TXNDC5: variants seen among roughly 807,000 people sequenced by gnomAD.
The protein encoded by TXNDC5 is thioredoxin domain-containing protein 5.
In TXNDC5, 44 loss-of-function variants were observed where a neutral mutation model predicts 52.6. The ratio of observed to expected loss-of-function variants is 0.84; its 90% CI spans 0.66 to 1.08. TXNDC5 has a LOEUF of 1.08. Ranked by LOEUF, TXNDC5 falls within the 50% of genes least tolerant of loss-of-function variation. The pLI is 0.00. For synonymous variants in TXNDC5, 241 were observed against 234.4 expected (o/e 1.03, Z -0.26); for missense variants, 600 against 565.5 (o/e 1.06, Z -0.62).
intron 7 of TXNDC5, among the ~76,000 whole-genome samples, chr6:7,887,378 T>G (rs993526475): frequency 6.6e-6 from 1 of 152,120 alleles, no homozygotes; most frequent in African/African-American, 2.4e-5. Flanking sequence ...GCCGAAAGCC[T>G]TGAAGATCAA....
At chr6:7,902,561 T>C (rs2113362047) in intron 2 of TXNDC5, among the ~76,000 whole-genome samples, 1 of 152,148 alleles carries the variant, frequency 6.6e-6, no homozygotes, top group South Asian at 2.1e-4. Context: ...GATGGGCACT[T>C]GTCTTAGAGG....
chr6:7,885,068 C>CT (rs1759917295), intron 8 of TXNDC5, among the ~76,000 whole-genome samples: 1 of 152,100 alleles, frequency 6.6e-6, no homozygotes, highest in Admixed American at 6.5e-5. Flanking sequence ...AGGGGATCCT[C>CT]CTTTTTGATA....
intron 9 of TXNDC5, 151 bp downstream of exon 9, chr6:7,884,208 T>C (rs910465209): frequency 1.6e-5 from 17 of 1,055,162 alleles, no homozygotes; most frequent in Non-Finnish European, 1.8e-5. Context: ...AGAGGATCTC[T>C]TTTGCTTCTC....
At chr6:7,887,377 C>T (rs891897295) in intron 7 of TXNDC5, among the ~76,000 whole-genome samples, 3 of 152,198 alleles carry the variant, frequency 2.0e-5, no homozygotes. Flanking sequence ...AGCCGAAAGC[C>T]TTGAAGATCA....
chr6:7,906,158 T>C (rs1017381049), intron 1 of TXNDC5, among the ~76,000 whole-genome samples: 2 of 151,286 alleles, frequency 1.3e-5, no homozygotes, highest in Admixed American at 6.6e-5. Flanking sequence ...GAGGGATCAC[T>C]TGAGGCCAGA....
intron 9 of TXNDC5, among the ~76,000 whole-genome samples, chr6:7,884,126 A>C (rs1759868925): frequency 6.6e-6 from 1 of 152,240 alleles, no homozygotes; most frequent in Non-Finnish European, 1.5e-5. Context: ...TCAGACAGCA[A>C]GGCCTGAAAA....
intron 5 of TXNDC5, 145 bp downstream of exon 5, chr6:7,891,476 G>A (rs1760187758): frequency 3.5e-6 from 2 of 579,278 alleles, no homozygotes; most frequent in Admixed American, 3.2e-5. Flanking sequence ...CATCTGTGAA[G>A]GTGAAATGAA....
rs1759759294 is a variant in TXNDC5 at position 7,881,961 on chromosome 6, A to G, written c.*1183T>C. On this transcript the variant is annotated 3_prime_UTR_variant, in exon 10 of 10. Transcript: ENST00000379757. The stretch of plus-strand genomic sequence containing the variant: ...TTAAGCCTGTATGTGCTTATTCCCA[A>G]GGGAGATAGAGGTGTTTAATCACAA... 1 of 152,630 alleles carries G rather than the reference A, an allele frequency of 6.6e-6. No homozygotes were observed. Among genetic ancestry groups the G allele is most frequent in the South Asian group, 2.1e-4 (1 of 4,818 alleles). 9.5% of individuals were successfully genotyped at this position (152,630 alleles called of 1,614,324 possible). A position where few individuals can be genotyped will look rare whatever the true frequency, so the allele number is the denominator to read the frequency against.
intron 1 of TXNDC5, among the ~76,000 whole-genome samples, chr6:7,908,023 G>A (rs561656544): frequency 1.2e-4 from 19 of 152,290 alleles, no homozygotes; most frequent in Non-Finnish European, 2.5e-4. Context: ...GGTGGCTTAC[G>A]CCTGTAATCC....
At position 7,881,591 on chromosome 6, in the gene TXNDC5, A is replaced by C. The variant is rs1169197142; in HGVS notation, c.*1553T>G. 6.6e-6 allele frequency: 1 copy of C among 152,232 alleles called. No individual in the cohort carries two copies. Among genetic ancestry groups the C allele is most frequent in the East Asian group, 1.9e-4 (1 of 5,200 alleles). The allele number at this position is 152,232 out of a possible 1,614,324, so 9.4% of individuals were successfully genotyped here. On this transcript the variant is annotated 3_prime_UTR_variant, in exon 10 of 10. Coordinates refer to ENST00000379757, the MANE Select transcript of TXNDC5 (RefSeq NM_030810.5). ...AATTGTACCACTTTGATTTTCTTGG[A>C]ATACAAGACTCGTGATGCAAAGCTG...
chr6:7,910,076 T>C (rs1207955527), intron 1 of TXNDC5: 8 of 986,112 alleles, frequency 8.1e-6, no homozygotes, highest in South Asian at 4.7e-5. Context: ...GGCGGTTGAA[T>C]TCAGGAGCGC....
chr6:7,899,648 C>T lies in TXNDC5; in HGVS notation c.447G>A (p.Val149=), dbSNP rs765373142. The change falls in exon 3 of 10, where the codon GTG becomes GTA. Residue 149 remains valine (V), a synonymous_variant. Coordinates refer to ENST00000379757, the MANE Select transcript of TXNDC5 (RefSeq NM_030810.5). Reference sequence around the variant, plus strand: ...GGAAGTCCCGAGGACCCTGGTACTTCACAGCTTCTTGGCCTGGCTTGAAAA... The same window carrying T: ...GGAAGTCCCGAGGACCCTGGTACTTTACAGCTTCTTGGCCTGGCTTGAAAA... The part of the protein sequence containing the change: ...LKLFKPGQEA[V]KYQGPRDFQT... The T allele has an allele frequency of 5.0e-6, 8 of 1,613,976 alleles. No individual in the cohort carries two copies. The South Asian group carries it at 8.8e-5, about 18-fold the overall frequency.
Position 7,883,090 on chromosome 6 carries a change from T to A in TXNDC5, c.*54A>T, listed in dbSNP as rs1759824815. ...CCCAGTGGCCTCTGTGGGACTGAAC[T>A]CCTAAACGCAGGGTGCGGGAGCTGG... On this transcript the variant is annotated 3_prime_UTR_variant, in exon 10 of 10. Coordinates refer to ENST00000379757, the MANE Select transcript of TXNDC5 (RefSeq NM_030810.5). 1 of 1,610,868 alleles carries A rather than the reference T, an allele frequency of 6.2e-7. No homozygotes were observed. Among genetic ancestry groups the A allele is most frequent in the East Asian group, 2.2e-5 (1 of 44,804 alleles).
Position 7,883,245 on chromosome 6 carries a change from A to G in TXNDC5, c.1198T>C (p.Leu400=), listed in dbSNP as rs201450918. ...KYSVRGYPTL[L]LFRGGKKVSE... is the part of the protein sequence containing the mutation. Reference sequence around the variant, plus strand: ...ACTTTCTTCCCTCCTCGGAAAAGCAATAACGTGGGGTAGCCTCGTACCTTA... The same window carrying G: ...ACTTTCTTCCCTCCTCGGAAAAGCAGTAACGTGGGGTAGCCTCGTACCTTA... The change falls in exon 10 of 10, where the codon TTG becomes CTG. Residue 400 remains leucine (L), a synonymous_variant. Transcript: ENST00000379757. 22 of 1,614,104 alleles carry G rather than the reference A, an allele frequency of 1.4e-5. No individual in the cohort carries two copies. The highest frequency in any genetic ancestry group is 1.6e-4 in the Middle Eastern group (1 of 6,084).
chr6:7,889,154 A>T (rs1760107504), intron 6 of TXNDC5: 1 of 446,692 alleles, frequency 2.2e-6, no homozygotes, highest in Admixed American at 3.9e-5. Context: ...TCGGCCAGGG[A>T]AGGAGGGAGG....
intron 1 of TXNDC5, among the ~76,000 whole-genome samples, chr6:7,906,563 A>AAAAAAAAC (rs1294037939): frequency 6.7e-6 from 1 of 150,234 alleles, no homozygotes; most frequent in East Asian, 2.0e-4. Flanking sequence ...AAAAAGAAAA[A>AAAAAAAAC]CAGACTTAAA....
rs1760676594 is a variant in TXNDC5, at chr6:7,904,599, C to T, written c.388G>A (p.Ala130Thr). The T allele has an allele frequency of 9.9e-6, 16 of 1,614,064 alleles. No individual in the cohort carries two copies. The highest frequency in any genetic ancestry group is 5.0e-5 in the Admixed American group (3 of 60,004). The change falls in exon 2 of 10, where the codon GCC (alanine) becomes ACC (threonine). Residue 130 changes from alanine (A) to threonine (T), a missense_variant. Physicochemically the swap from Ala to Thr is moderately conservative, Grantham distance 58 (BLOSUM62 0). Coordinates refer to ENST00000379757, the MANE Select transcript of TXNDC5 (RefSeq NM_030810.5). ...DCTAHSDVCSAQGVRGYPTLK... is the reference protein window; with the variant it reads ...DCTAHSDVCSTQGVRGYPTLK... ...GTGGGGTATCCTCGCACCCCCTGGG[C>T]GGAGCACACGTCGGAGTGGGCCGTG...
Position 7,883,207 on chromosome 6 carries a change from A to G in TXNDC5, c.1236T>C (p.Ser412=), listed in dbSNP as rs568536690. The G allele has an allele frequency of 6.8e-6, 11 of 1,614,172 alleles. No homozygotes were observed. In the African/African-American group the frequency reaches 1.2e-4, roughly 18 times the overall value. Residue 412 remains serine, a synonymous_variant, in exon 10 of 10, where the codon AGT becomes AGC. Transcript: ENST00000379757. ...GTAACGAGTCAAGGTCTCTGCCTCC[A>G]CTGTGCTCACTGACTTTCTTCCCTC... ...FRGGKKVSEH[S]GGRDLDSLHR...
chr6:7,907,233 G>T (rs1581331817), intron 1 of TXNDC5, among the ~76,000 whole-genome samples: 1 of 149,868 alleles, frequency 6.7e-6, no homozygotes, highest in Admixed American at 6.7e-5. Flanking sequence ...AGTTTGTGGT[G>T]CGCTAAATCA....
Sources: allele counts gnomAD v4.1 joint callset (sites outside exome capture counted in the v4.1 genomes callset), GRCh38; gene constraint gnomAD v4.1.1; transcripts MANE v1.5; gene names NCBI Gene and HGNC (gene_info 2026-07-23, HGNC 2026-07-21).